XKR9: variants seen among roughly 807,000 people sequenced by gnomAD.
XKR9 encodes the protein XK-related protein 9.
Under a neutral mutation model 32.0 loss-of-function variants are expected in XKR9, and 32 were observed. The ratio of observed to expected loss-of-function variants is 1.00; its 90% CI spans 0.76 to 1.34. XKR9 has a LOEUF of 1.34. Among genes scored for constraint, XKR9 ranks in the 40% most tolerant of loss-of-function variants. XKR9 has a pLI of 0.00. For missense variants in XKR9, 546 were observed against 429.7 expected (o/e 1.27, Z -2.39); for synonymous variants, 168 against 143.4 (o/e 1.17, Z -1.22).
chr8:70,814,753 C>G, the XKR9 span, among the ~76,000 whole-genome samples: 1 of 152,292 alleles, frequency 6.6e-6, no homozygotes, highest in South Asian at 2.1e-4. Context: ...CCAGAGCAAT[C>G]TGGCAAAAGA....
At chr8:71,032,411 C>T in the XKR9 span, among the ~76,000 whole-genome samples, 1 of 151,588 alleles carries the variant, frequency 6.6e-6, no homozygotes, top group East Asian at 1.9e-4. Context: ...GAGGAAAACA[C>T]TTCCTTATTA....
the XKR9 span, among the ~76,000 whole-genome samples, chr8:70,959,863 A>G: frequency 6.6e-6 from 1 of 152,136 alleles, no homozygotes; most frequent in African/African-American, 2.4e-5. Context: ...CTTAATTTAT[A>G]TTACCTTTTA....
chr8:70,745,832 C>G (rs1451456018), intron 2 of XKR9, among the ~76,000 whole-genome samples: 1 of 152,174 alleles, frequency 6.6e-6, no homozygotes, highest in Admixed American at 6.6e-5. Context: ...TATCTTGATG[C>G]TCATTTCCAA....
the XKR9 span, among the ~76,000 whole-genome samples, chr8:70,944,426 T>C: frequency 6.6e-6 from 1 of 152,280 alleles, no homozygotes; most frequent in African/African-American, 2.4e-5. Context: ...ATGTTGTTGA[T>C]ATAAAGTTAT....
the XKR9 span, among the ~76,000 whole-genome samples, chr8:70,913,962 T>A: frequency 6.6e-6 from 1 of 152,234 alleles, no homozygotes; most frequent in Non-Finnish European, 1.5e-5. Context: ...ATTCCTTGTA[T>A]CAATATACCA....
the XKR9 span, among the ~76,000 whole-genome samples, chr8:70,912,649 T>A: frequency 6.6e-6 from 1 of 152,152 alleles, no homozygotes; most frequent in Non-Finnish European, 1.5e-5. Context: ...TGGATATTCT[T>A]GTCTGGAGCT....
chr8:70,979,282 G>A, the XKR9 span, among the ~76,000 whole-genome samples: 1 of 152,168 alleles, frequency 6.6e-6, no homozygotes, highest in African/African-American at 2.4e-5. Context: ...TTTCACTGCT[G>A]GCGAGGAGCT....
rs564415013 is a variant in XKR9, at chr8:70,707,300, A to G, written c.493+147A>G. 3 of 603,478 alleles carry G rather than the reference A, an allele frequency of 5.0e-6. No homozygotes were observed. In the South Asian group the frequency reaches 7.9e-5, roughly 16 times the overall value. The allele number at this position is 603,478 out of a possible 1,614,324, so 37.4% of individuals were successfully genotyped here. A position where few individuals can be genotyped will look rare whatever the true frequency, so the allele number is the denominator to read the frequency against. On this transcript the variant is annotated intron_variant, in intron 4 of 4. Transcript: ENST00000408926. ...GGAAGTACAGTAACATGGTTGAAAT[A>G]TCAAAAAGTATATAGATAATATACT...
At chr8:70,786,800 A>G (rs1166768450) in intron 2 of XKR9, among the ~76,000 whole-genome samples, 1 of 152,052 alleles carries the variant, frequency 6.6e-6, no homozygotes, top group Non-Finnish European at 1.5e-5. Context: ...TACTACTGCC[A>G]TTTTGTTAGT....
the XKR9 span, among the ~76,000 whole-genome samples, chr8:71,062,888 A>AGTC: frequency 6.6e-6 from 1 of 152,116 alleles, no homozygotes; most frequent in Non-Finnish European, 1.5e-5. Context: ...ATTGAGAGGC[A>AGTC]GTCCATTGAT....
At chr8:70,850,960 G>T in the XKR9 span, among the ~76,000 whole-genome samples, 1 of 151,918 alleles carries the variant, frequency 6.6e-6, no homozygotes. Flanking sequence ...AGAAATAAAG[G>T]GTATTCAAAT....
the XKR9 span, among the ~76,000 whole-genome samples, chr8:70,953,079 A>T: frequency 1.2e-4 from 18 of 152,218 alleles, no homozygotes; most frequent in Admixed American, 1.1e-3. Flanking sequence ...TAAAAAATAA[A>T]TTAGTCCTCA....
chr8:70,734,041 T>G lies in XKR9; in HGVS notation c.739T>G (p.Phe247Val), dbSNP rs201445722. The G allele has an allele frequency of 6.2e-7, 1 of 1,613,384 alleles. No homozygotes were observed. The highest frequency in any genetic ancestry group is 1.3e-5 in the African/African-American group (1 of 74,916). Residue 247 changes from phenylalanine (F) to valine (V), a missense_variant, in exon 5 of 5, where the codon TTT (phenylalanine) becomes GTT (valine). Coordinates refer to ENST00000408926, the MANE Select transcript of XKR9 (RefSeq NM_001011720.2). Reference protein sequence around the residue: ...FLWLLGIIWAFKNNTQFCTCI... With the variant: ...FLWLLGIIWAVKNNTQFCTCI... Reference sequence around the variant, plus strand: ...TTGGTTGTTAGGTATAATATGGGCATTTAAAAACAACACCCAGTTTTGTAC... The same window carrying G: ...TTGGTTGTTAGGTATAATATGGGCAGTTAAAAACAACACCCAGTTTTGTAC...
chr8:70,819,874 C>G, the XKR9 span, among the ~76,000 whole-genome samples: 1 of 152,094 alleles, frequency 6.6e-6, no homozygotes, highest in Non-Finnish European at 1.5e-5. Context: ...TGAAAAGAAA[C>G]CCTAGAGTCT....
chr8:70,778,415 G>A (rs900009477), intron 2 of XKR9, among the ~76,000 whole-genome samples: 1 of 152,134 alleles, frequency 6.6e-6, no homozygotes, highest in Non-Finnish European at 1.5e-5. Flanking sequence ...GCTTAGGATT[G>A]TCTTGTCTAT....
chr8:71,041,650 T>C, the XKR9 span, among the ~76,000 whole-genome samples: 1 of 152,050 alleles, frequency 6.6e-6, no homozygotes, highest in Admixed American at 6.6e-5. Flanking sequence ...ATTTGAGTGG[T>C]TTCCTTCATG....
chr8:70,872,801 C>T, the XKR9 span, among the ~76,000 whole-genome samples: 25 of 152,274 alleles, frequency 1.6e-4, no homozygotes, highest in African/African-American at 5.1e-4. Context: ...GCTGGAATTA[C>T]AGGCATGTGC....
At chr8:70,736,315 G>A (rs528119689), downstream of XKR9, among the ~76,000 whole-genome samples, 39 of 131,770 alleles carry the variant, frequency 3.0e-4, no homozygotes, top group African/African-American at 8.9e-4. Context: ...TGATGGGGTT[G>A]TTTGTTTTTT....
At chr8:71,053,282 G>A in the XKR9 span, among the ~76,000 whole-genome samples, 3 of 152,186 alleles carry the variant, frequency 2.0e-5, no homozygotes, top group African/African-American at 4.8e-5. Flanking sequence ...CATTGGATCC[G>A]GAGTATAGCC....
Sources: gnomAD v4.1 joint callset for allele counts (sites outside exome capture counted in the v4.1 genomes callset) on GRCh38, gnomAD v4.1.1 for gene constraint, MANE v1.5 for transcripts, NCBI Gene and HGNC (gene_info 2026-07-23, HGNC 2026-07-21) for gene names.